Variants in ADGRB1 observed in about 807,000 individuals in gnomAD.
ADGRB1 encodes brain-specific angiogenesis inhibitor 1.
ADGRB1 carries 36 observed loss-of-function variants against 175.7 expected under a neutral mutation model. That is an observed-to-expected ratio of 0.20 (90% CI 0.16 to 0.27). The LOEUF (loss-of-function observed/expected upper bound fraction) is 0.27, where lower values mean the gene tolerates loss of function less well. ADGRB1 is among the 10% of genes least tolerant of loss of function. The pLI is 1.00. For synonymous variants in ADGRB1, 1,054 were observed against 979.4 expected (o/e 1.08, Z -1.42); for missense variants, 1,731 against 2,255.3 (o/e 0.77, Z 4.71).
At chr8:142,476,539 C>T (rs919778024) in intron 3 of ADGRB1, 46 bp from the exon 4 acceptor site, 13 of 1,507,088 alleles carry the variant, frequency 8.6e-6, no homozygotes, top group African/African-American at 2.8e-5. Flanking sequence ...AGAGAGAGGA[C>T]GGGGGCAAAG....
intron 18 of ADGRB1, among the ~76,000 whole-genome samples, chr8:142,517,242 G>A (rs550930776): frequency 6.6e-6 from 1 of 152,166 alleles, no homozygotes; most frequent in Non-Finnish European, 1.5e-5. Context: ...CAACGCCCAG[G>A]GCAGGAGAGT....
intron 2 of ADGRB1, among the ~76,000 whole-genome samples, chr8:142,473,690 C>G (rs1460067660): frequency 6.6e-6 from 1 of 152,230 alleles, no homozygotes; most frequent in Non-Finnish European, 1.5e-5. Flanking sequence ...TCTCTGGGAC[C>G]TGTGGGAGTA....
chr8:142,543,329 C>A lies in ADGRB1; in HGVS notation c.4414-74C>A. ...GGGGCGAGTGAGTCCCTGATGCCCTCAGTCTGAGGCAGGGAGAGGCGTGGA... is the reference window on the plus strand; with the variant it reads ...GGGGCGAGTGAGTCCCTGATGCCCTAAGTCTGAGGCAGGGAGAGGCGTGGA... On this transcript the variant is annotated intron_variant, in intron 28 of 30. Transcript: ENST00000517894. This position sits in a 1 kb window ranked among gnomAD's most constrained non-coding sequence, Gnocchi z 4.4. The A allele has an allele frequency of 6.3e-7, 1 of 1,586,406 alleles. No homozygotes were observed. The highest frequency in any genetic ancestry group is 8.6e-7 in the Non-Finnish European group (1 of 1,161,522).
intron 2 of ADGRB1, among the ~76,000 whole-genome samples, chr8:142,466,296 A>C (rs1840273737): frequency 6.6e-6 from 1 of 152,168 alleles, no homozygotes; most frequent in Non-Finnish European, 1.5e-5. Context: ...GACTCCTCAG[A>C]ATTTTGTGTT....
At chr8:142,534,801 G>GCTTCTTATC (rs1320038110) in intron 25 of ADGRB1, among the ~76,000 whole-genome samples, 1 of 152,220 alleles carries the variant, frequency 6.6e-6, no homozygotes, top group African/African-American at 2.4e-5. Context: ...GGGAGAAGCC[G>GCTTCTTATC]CTCACCCTGG....
At chr8:142,496,008 G>A (rs62513271) in intron 17 of ADGRB1, among the ~76,000 whole-genome samples, 5 of 151,206 alleles carry the variant, frequency 3.3e-5, no homozygotes, top group African/African-American at 7.3e-5. Context: ...GTAGATAGAT[G>A]GATGAGTGAA....
intron 7 of ADGRB1, 124 bp downstream of exon 7, chr8:142,478,484 G>A: frequency 6.0e-6 from 7 of 1,176,104 alleles, no homozygotes; most frequent in African/African-American, 1.5e-5. Context: ...GAGGGAGTGG[G>A]GTGCACAGTG....
intron 18 of ADGRB1, among the ~76,000 whole-genome samples, chr8:142,515,461 G>C (rs965899544): frequency 6.6e-6 from 1 of 151,892 alleles, no homozygotes; most frequent in Non-Finnish European, 1.5e-5. Flanking sequence ...GAGAGCTGGC[G>C]GGTTTGCGGC....
At chr8:142,503,927 C>T (rs1842741682) in intron 17 of ADGRB1, among the ~76,000 whole-genome samples, 1 of 151,832 alleles carries the variant, frequency 6.6e-6, no homozygotes, top group South Asian at 2.1e-4. Flanking sequence ...GCCCTGGAGG[C>T]CCTGGATGTG....
At position 142,464,504 on chromosome 8, in the gene ADGRB1, C is replaced by T; in HGVS notation, c.306C>T (p.Tyr102=). ...PCSGPGRVRT[Y]QFDSFLESTR... is the part of the protein sequence containing the mutation. ...GCGGCCCCGGCCGCGTGCGCACCTA[C>T]CAGTTCGACTCCTTCCTCGAGTCCA... The change falls in exon 2 of 31, where the codon TAC becomes TAT. Residue 102 remains tyrosine (Y), a synonymous_variant. Coordinates refer to ENST00000517894, the MANE Select transcript of ADGRB1 (RefSeq NM_001702.3). 1 of 1,580,876 alleles carries T rather than the reference C, an allele frequency of 6.3e-7. No homozygotes were observed. Among genetic ancestry groups the T allele is most frequent in the Non-Finnish European group, 8.6e-7 (1 of 1,167,306 alleles).
intron 1 of ADGRB1, among the ~76,000 whole-genome samples, chr8:142,457,593 C>A (rs573092872): frequency 3.3e-5 from 5 of 152,110 alleles, no homozygotes; most frequent in Admixed American, 6.5e-5. Context: ...AGAGAGGCTT[C>A]CGGGCCTGCC....
chr8:142,485,474 T>C (rs1280469342), intron 13 of ADGRB1, among the ~76,000 whole-genome samples: 1 of 152,210 alleles, frequency 6.6e-6, no homozygotes, highest in African/African-American at 2.4e-5. Context: ...GAGGATCGCT[T>C]GAGCCCAGGA....
rs556651254 is a variant in ADGRB1 at position 142,477,873 on chromosome 8, G to A, written c.1388-314G>A. Among the ~76,000 whole-genome samples, 4 of 151,716 alleles carry A rather than the reference G, an allele frequency of 2.6e-5. No individual in the cohort carries two copies. In the South Asian group the frequency reaches 8.3e-4, roughly 32 times the overall value. Reference sequence around the variant, plus strand: ...TTCACACCCATGTCCCAGGCTGGGTGTGGGGTGGTGGCCCCAGGGTGTTCT... The same window carrying A: ...TTCACACCCATGTCCCAGGCTGGGTATGGGGTGGTGGCCCCAGGGTGTTCT... On this transcript the variant is annotated intron_variant, in intron 6 of 30. Transcript: ENST00000517894.
intron 18 of ADGRB1, among the ~76,000 whole-genome samples, chr8:142,512,156 A>G (rs972431649): frequency 2.6e-5 from 4 of 152,182 alleles, no homozygotes; most frequent in African/African-American, 9.6e-5. Context: ...ACAGGCAGGG[A>G]GACTGAGGCC....
At chr8:142,522,205 C>A in intron 21 of ADGRB1, 90 bp downstream of exon 21, 1 of 1,515,338 alleles carries the variant, frequency 6.6e-7, no homozygotes. Flanking sequence ...CTCCCCATCC[C>A]CTGTGGACCC....
intron 24 of ADGRB1, among the ~76,000 whole-genome samples, chr8:142,529,736 G>C (rs1844489563): frequency 1.3e-5 from 2 of 151,410 alleles, no homozygotes; most frequent in South Asian, 4.2e-4. Flanking sequence ...GTGCAACCCA[G>C]TGTGCATATG....
At chr8:142,490,641 A>C in intron 16 of ADGRB1, 131 bp from the exon 17 acceptor site, 1 of 1,070,546 alleles carries the variant, frequency 9.3e-7, no homozygotes, top group South Asian at 1.6e-5. Flanking sequence ...TCCTCGCAAA[A>C]CGCAGTCTGT....
chr8:142,484,386 C>T (rs1841549987), intron 12 of ADGRB1, among the ~76,000 whole-genome samples: 1 of 152,226 alleles, frequency 6.6e-6, no homozygotes, highest in African/African-American at 2.4e-5. Context: ...CAGCCAGCCA[C>T]CACTCCTAGC....
intron 27 of ADGRB1, among the ~76,000 whole-genome samples, chr8:142,540,682 G>C (rs1845217459): frequency 6.6e-6 from 1 of 152,164 alleles, no homozygotes; most frequent in Non-Finnish European, 1.5e-5. Context: ...TGTGAGGTGT[G>C]TGGGAGGTCG....
Sources: gnomAD v4.1 joint callset for allele counts (sites outside exome capture counted in the v4.1 genomes callset) on GRCh38, gnomAD v4.1.1 for gene constraint, Gnocchi (gnomAD v3.1) non-coding constraint, MANE v1.5 for transcripts, NCBI Gene and HGNC (gene_info 2026-07-23, HGNC 2026-07-21) for gene names.